Variants in SLC2A9 observed in about 807,000 individuals in gnomAD.
The protein encoded by SLC2A9 is solute carrier family 2, facilitated glucose transporter member 9.
SLC2A9 carries 39 observed loss-of-function variants against 50.6 expected under a neutral mutation model. That is an observed-to-expected ratio of 0.77 (90% confidence interval 0.60 to 1.01). SLC2A9 has a LOEUF of 1.01. Ranked by LOEUF, SLC2A9 falls within the 50% of genes least tolerant of loss-of-function variation. The pLI is 0.00. For synonymous variants in SLC2A9, 324 were observed against 276.9 expected, an observed-to-expected ratio of 1.17 and a Z score of -1.69; for missense variants, 686 against 677.6, an observed-to-expected ratio of 1.01 and a Z score of -0.14.
intron 10 of SLC2A9, among the ~76,000 whole-genome samples, chr4:9,839,372 A>G (rs1727638210): frequency 6.6e-6 from 1 of 152,146 alleles, no homozygotes; most frequent in African/African-American, 2.4e-5. Flanking sequence ...AGGAACATTT[A>G]TACACTGTTC....
chr4:9,981,974 C>T (rs557585279), intron 4 of SLC2A9, among the ~76,000 whole-genome samples: 6 of 152,194 alleles, frequency 3.9e-5, no homozygotes, highest in Admixed American at 2.6e-4. Flanking sequence ...TTCCACCTCC[C>T]GGGTTCAAGT....
chr4:9,834,067 AG>A (rs1726634623), intron 11 of SLC2A9, among the ~76,000 whole-genome samples: 1 of 152,116 alleles, frequency 6.6e-6, no homozygotes, highest in Admixed American at 6.5e-5. Flanking sequence ...TTTCTTACAC[AG>A]GCCAAATATT....
intron 8 of SLC2A9, among the ~76,000 whole-genome samples, chr4:9,898,159 C>A (rs963544822): frequency 6.6e-6 from 1 of 152,132 alleles, no homozygotes; most frequent in Non-Finnish European, 1.5e-5. Context: ...GTTTGTGGCA[C>A]ATTGTTTTGG....
chr4:9,981,110 G>C (rs1294502174), intron 4 of SLC2A9, among the ~76,000 whole-genome samples: 1 of 151,520 alleles, frequency 6.6e-6, no homozygotes, highest in African/African-American at 2.4e-5. Context: ...TGGTGATGGT[G>C]GTAGTGGTAG....
In SLC2A9 at chr4:9,826,535, C is replaced by T. The variant is rs2109077545; in HGVS notation, c.1485G>A (p.Leu495=). 1 of 1,608,614 alleles carries T rather than the reference C, an allele frequency of 6.2e-7. No individual in the cohort carries two copies. Among genetic ancestry groups the T allele is most frequent in the Non-Finnish European group, 8.5e-7 (1 of 1,177,228 alleles). ...ATICITGAIY[L]YFVLPETKNR... Reference sequence around the variant, plus strand: ...TTTTGGTCTCAGGCAGCACAAAATACAGGTAGATAGCACCTGTGATACAAA... The same window carrying T: ...TTTTGGTCTCAGGCAGCACAAAATATAGGTAGATAGCACCTGTGATACAAA... Residue 495 remains leucine (L), a synonymous_variant, in exon 12 of 12, where the codon CTG becomes CTA. Coordinates refer to ENST00000264784, the MANE Select transcript of SLC2A9 (RefSeq NM_020041.3).
intron 3 of SLC2A9, among the ~76,000 whole-genome samples, chr4:9,784,355 A>C (rs1353418268): frequency 6.6e-6 from 1 of 152,232 alleles, no homozygotes; most frequent in African/African-American, 2.4e-5. Flanking sequence ...AGATGCGATC[A>C]GTTCATTGAA....
intron 10 of SLC2A9, among the ~76,000 whole-genome samples, chr4:9,840,815 T>C (rs1490731058): frequency 6.6e-6 from 1 of 152,222 alleles, no homozygotes; most frequent in East Asian, 1.9e-4. Flanking sequence ...AATAAAGATT[T>C]AATTGACTCA....
At chr4:9,846,089 A>G (rs748233679) in intron 10 of SLC2A9, among the ~76,000 whole-genome samples, 3 of 152,204 alleles carry the variant, frequency 2.0e-5, no homozygotes, top group Non-Finnish European at 4.4e-5. Flanking sequence ...CCCAGAGTAG[A>G]GAGTGACTTG....
chr4:9,792,045 C>T (rs1719984542), intron 3 of SLC2A9, among the ~76,000 whole-genome samples: 1 of 151,918 alleles, frequency 6.6e-6, no homozygotes, highest in Non-Finnish European at 1.5e-5. Context: ...TATTCAGGTT[C>T]AGAGATGCTG....
chr4:9,781,504 C>A (rs1331083009), intron 3 of SLC2A9, among the ~76,000 whole-genome samples: 2 of 152,126 alleles, frequency 1.3e-5, no homozygotes, highest in East Asian at 3.9e-4. Context: ...TGCGGGATCG[C>A]CCCTACACTC....
chr4:9,944,821 A>C (rs1014574917), intron 5 of SLC2A9, among the ~76,000 whole-genome samples: 2 of 152,174 alleles, frequency 1.3e-5, no homozygotes, highest in Non-Finnish European at 2.9e-5. Flanking sequence ...GTTAGGAGAG[A>C]TTATTCCCCT....
chr4:9,853,585 CA>C (rs1408455640), intron 10 of SLC2A9, among the ~76,000 whole-genome samples: 1 of 152,144 alleles, frequency 6.6e-6, no homozygotes, highest in Non-Finnish European at 1.5e-5. Context: ...CAGTATCAGA[CA>C]GATGATCAGG....
chr4:9,796,947 G>A (rs903335199), downstream of SLC2A9, among the ~76,000 whole-genome samples: 6 of 152,186 alleles, frequency 3.9e-5, no homozygotes, highest in Admixed American at 3.9e-4. Flanking sequence ...AATGTCAGTG[G>A]GGTGGGGAAG....
intron 5 of SLC2A9, among the ~76,000 whole-genome samples, chr4:9,948,442 G>A (rs532595448): frequency 3.3e-5 from 5 of 152,308 alleles, no homozygotes; most frequent in African/African-American, 9.6e-5. Context: ...CCACACCTGC[G>A]TCACCTGCAG....
chr4:9,917,091 G>A (rs1279519180), intron 7 of SLC2A9, among the ~76,000 whole-genome samples: 1 of 152,116 alleles, frequency 6.6e-6, no homozygotes, highest in Non-Finnish European at 1.5e-5. Flanking sequence ...CTTTCACACT[G>A]GCAACAGACT....
Position 9,908,307 on chromosome 4 carries a change from C to A in SLC2A9, c.1041G>T (p.Gly347=), listed in dbSNP as rs750097140. ...FYTNSIFGKA[G]IPPAKIPYVT... The stretch of plus-strand genomic sequence containing the variant: ...CGTATGGGATCTTTGCCGGAGGGAT[C>A]CCAGCTTTTCCAAAGATGCTGTTGG... The change falls in exon 8 of 12, where the codon GGG becomes GGT. Residue 347 remains glycine, a synonymous_variant. Coordinates refer to ENST00000264784, the MANE Select transcript of SLC2A9 (RefSeq NM_020041.3). 4 of 1,613,844 alleles carry A rather than the reference C, an allele frequency of 2.5e-6. No individual in the cohort carries two copies. The highest frequency in any genetic ancestry group is 1.1e-5 in the South Asian group (1 of 91,062).
At chr4:9,988,136 C>T (rs546995886) in intron 3 of SLC2A9, among the ~76,000 whole-genome samples, 1 of 152,352 alleles carries the variant, frequency 6.6e-6, no homozygotes, top group African/African-American at 2.4e-5. Context: ...TGGGGAGCTA[C>T]CACAACAGGT....
intron 10 of SLC2A9, among the ~76,000 whole-genome samples, chr4:9,873,413 A>G (rs1226877154): frequency 6.6e-6 from 1 of 152,176 alleles, no homozygotes; most frequent in Non-Finnish European, 1.5e-5. Context: ...AGCCCCTCCA[A>G]TGGGAGGGAA....
intron 8 of SLC2A9, among the ~76,000 whole-genome samples, chr4:9,900,723 G>C (rs1382356050): frequency 6.6e-6 from 1 of 152,178 alleles, no homozygotes; most frequent in Non-Finnish European, 1.5e-5. Context: ...GGCGGGGGAG[G>C]CCTCAGGAAA....
Sources: allele counts gnomAD v4.1 joint callset (sites outside exome capture counted in the v4.1 genomes callset), GRCh38; gene constraint gnomAD v4.1.1; transcripts MANE v1.5; gene names NCBI Gene and HGNC (gene_info 2026-07-23, HGNC 2026-07-21).